Variants in FOCAD observed in about 807,000 individuals in gnomAD.
FOCAD encodes focadhesin.
In FOCAD, 198 loss-of-function variants were observed where a neutral mutation model predicts 225.6. The ratio of observed to expected loss-of-function variants is 0.88; its 90% CI spans 0.78 to 0.99. The LOEUF is 0.99. Ranked by LOEUF, FOCAD falls within the 50% of genes least tolerant of loss-of-function variation. The probability of loss-of-function intolerance (pLI) is 0.00; values close to 1 mark genes in which losing one functional copy is unlikely to be tolerated. For missense variants in FOCAD, 2,713 were observed against 2,123.6 expected (o/e 1.28, Z -5.46); for synonymous variants, 897 against 755.0 (o/e 1.19, Z -3.08).
chr9:20,820,240 C>A, intron 12 of FOCAD, 84 bp from the exon 13 acceptor site: 2 of 915,976 alleles, frequency 2.2e-6, no homozygotes, highest in South Asian at 1.6e-5. Context: ...CATTTTATAA[C>A]AAGGGGTTTA....
chr9:20,806,142 G>A (rs1419950107), intron 11 of FOCAD, among the ~76,000 whole-genome samples: 2 of 152,180 alleles, frequency 1.3e-5, no homozygotes, highest in East Asian at 3.9e-4. Flanking sequence ...CATTTAGTGT[G>A]TACCAAATAT....
chr9:20,749,535 C>T (rs375469841), intron 5 of FOCAD, among the ~76,000 whole-genome samples: 1 of 152,114 alleles, frequency 6.6e-6, no homozygotes, highest in Non-Finnish European at 1.5e-5. Context: ...TTAAAAAAAT[C>T]TCTTTTTAGC....
rs188341786 is a variant in FOCAD at position 20,741,739 on chromosome 9, A to T, written c.392+1399A>T. On this transcript the variant is annotated intron_variant, in intron 5 of 43. Coordinates refer to ENST00000338382, the MANE Select transcript of FOCAD (RefSeq NM_001375567.1). ...TTTGTGACGTAAGGGTTTATTCTTTATCCATTGCCTTGGCTAGAATTGAAC... is the reference window on the plus strand; with the variant it reads ...TTTGTGACGTAAGGGTTTATTCTTTTTCCATTGCCTTGGCTAGAATTGAAC... Among the ~76,000 whole-genome samples the T allele has an allele frequency of 2.5e-4, 17 of 67,212 alleles. No homozygotes were observed. The East Asian group carries it at 6.7e-3, about 27-fold the overall frequency. 44.1% of individuals were successfully genotyped at this position (67,212 alleles called of 152,430 possible). A position where few individuals can be genotyped will look rare whatever the true frequency, so the allele number is the denominator to read the frequency against.
At chr9:20,811,850 T>G (rs1823110352) in intron 11 of FOCAD, among the ~76,000 whole-genome samples, 4 of 152,096 alleles carry the variant, frequency 2.6e-5, no homozygotes, top group Admixed American at 2.6e-4. Flanking sequence ...TGAATAAGTT[T>G]TAAAAGTCTC....
At chr9:20,858,334 TA>T (rs1292644721) in intron 15 of FOCAD, among the ~76,000 whole-genome samples, 1 of 152,174 alleles carries the variant, frequency 6.6e-6, no homozygotes, top group Non-Finnish European at 1.5e-5. Context: ...CATATGTGTC[TA>T]AGAATTTATC....
At chr9:20,890,543 C>A (rs566952286) in intron 21 of FOCAD, among the ~76,000 whole-genome samples, 1 of 151,960 alleles carries the variant, frequency 6.6e-6, no homozygotes, top group South Asian at 2.1e-4. Context: ...TGATCATAGC[C>A]TATTTATATA....
chr9:20,810,382 A>G (rs1021775002), intron 11 of FOCAD, among the ~76,000 whole-genome samples: 5 of 152,140 alleles, frequency 3.3e-5, no homozygotes, highest in Non-Finnish European at 7.4e-5. Context: ...CACATTACCA[A>G]TGACAGACAT....
Position 20,923,762 on chromosome 9 carries a change from C to T in FOCAD, c.2955C>T (p.Leu985=), listed in dbSNP as rs1157165468. Residue 985 remains leucine, a synonymous_variant, in exon 25 of 44, where the codon CTC becomes CTT. Transcript: ENST00000338382. ...GCCTCTCCTCAGACTCTGACGGGCT[C>T]CTGGAGGTTAGTTGGGGTGATTTAA... ...EASLSSDSDG[L]LEVQPNFLSM... is the part of the protein sequence containing the mutation. 1 of 1,612,452 alleles carries T rather than the reference C, an allele frequency of 6.2e-7. No individual in the cohort carries two copies. Among genetic ancestry groups the T allele is most frequent in the African/African-American group, 1.3e-5 (1 of 74,870 alleles).
intron 35 of FOCAD, among the ~76,000 whole-genome samples, chr9:20,965,195 T>C (rs778450962): frequency 2.0e-4 from 30 of 152,122 alleles, no homozygotes; most frequent in Non-Finnish European, 3.7e-4. Context: ...AATTTGGCTT[T>C]TAGATGGCCA....
intron 23 of FOCAD, 101 bp downstream of exon 23, chr9:20,913,055 C>T: frequency 1.2e-6 from 1 of 856,778 alleles, no homozygotes; most frequent in Admixed American, 2.4e-5. Context: ...GGTTTAACCT[C>T]TATATGTGAG....
intron 34 of FOCAD, among the ~76,000 whole-genome samples, chr9:20,951,630 GGTGT>G (rs1837698231): frequency 6.6e-6 from 1 of 152,180 alleles, no homozygotes; most frequent in Non-Finnish European, 1.5e-5. Flanking sequence ...TACATTTAAA[GGTGT>G]GTACCTTCTT....
intron 19 of FOCAD, chr9:20,875,817 A>C (rs1473555419): frequency 1.3e-5 from 2 of 152,102 alleles, no homozygotes; most frequent in African/African-American, 4.8e-5. Flanking sequence ...GTTATTTACA[A>C]ATTCCTCAAG....
chr9:20,789,335 T>C lies in FOCAD; in HGVS notation c.1198-16T>C, dbSNP rs74595208. 1.2e-6 allele frequency: 2 copies of C among 1,605,354 alleles called. No individual in the cohort carries two copies. The highest frequency in any genetic ancestry group is 2.7e-5 in the African/African-American group (2 of 74,884). ...TTATCTCACTTATTTATGCCTCTCT[T>C]GTCTTTATTTTTCAGCTCTCCTACA... On this transcript the variant is annotated splice_polypyrimidine_tract_variant and intron_variant, in intron 10 of 43. Coordinates refer to ENST00000338382, the MANE Select transcript of FOCAD (RefSeq NM_001375567.1).
At chr9:20,834,174 T>G (rs898340608) in intron 15 of FOCAD, among the ~76,000 whole-genome samples, 3 of 152,078 alleles carry the variant, frequency 2.0e-5, no homozygotes, top group African/African-American at 7.2e-5. Flanking sequence ...CTGGATGCCC[T>G]TATCCTCAGT....
intron 15 of FOCAD, among the ~76,000 whole-genome samples, chr9:20,855,794 C>CTT (rs369187873): frequency 0.18 from 23,964 of 131,650 alleles, 2,638 homozygotes; most frequent in Non-Finnish European, 0.25. Context: ...CCCCTATATT[C>CTT]TTTTTTTTTT....
At chr9:20,684,080 CA>C (rs1473256951), upstream of FOCAD, 2 of 152,344 alleles carry the variant, frequency 1.3e-5, no homozygotes, top group African/African-American at 4.8e-5. Context: ...GTCCGCCGCC[CA>C]CGCCGCCTTT....
chr9:20,809,449 T>C (rs953650672), intron 11 of FOCAD, among the ~76,000 whole-genome samples: 17 of 152,186 alleles, frequency 1.1e-4, no homozygotes, highest in African/African-American at 3.4e-4. Flanking sequence ...AATTGATTAA[T>C]TTAATTCAAT....
chr9:20,901,192 A>AGTG lies in FOCAD; in HGVS notation c.2626-5958_2626-5957insGTG, dbSNP rs1832528693. ...TTTTTTTTCTGGGAATGTGGAAACA[A>AGTG]TGTGTGTGTGTGTGTGTGTGTGTGT... On this transcript the variant is annotated intron_variant, in intron 21 of 43. Coordinates refer to ENST00000338382, the MANE Select transcript of FOCAD (RefSeq NM_001375567.1). Among the ~76,000 whole-genome samples the AGTG allele has an allele frequency of 2.0e-4, 21 of 105,758 alleles. No individual in the cohort carries two copies. The East Asian group carries it at 6.3e-3, about 31-fold the overall frequency. 69.4% of individuals were successfully genotyped at this position (105,758 alleles called of 152,430 possible). A position where few individuals can be genotyped will look rare whatever the true frequency, so the allele number is the denominator to read the frequency against.
chr9:20,732,817 A>G (rs1164800284), intron 4 of FOCAD, among the ~76,000 whole-genome samples: 1 of 152,158 alleles, frequency 6.6e-6, no homozygotes, highest in East Asian at 1.9e-4. Context: ...TTCGTGGTGT[A>G]CTGAATATGT....
Sources: allele counts gnomAD v4.1 joint callset (sites outside exome capture counted in the v4.1 genomes callset), GRCh38; gene constraint gnomAD v4.1.1; transcripts MANE v1.5; gene names NCBI Gene and HGNC (gene_info 2026-07-23, HGNC 2026-07-21).